PPP2R2B: variants seen among roughly 807,000 people sequenced by gnomAD.
PPP2R2B encodes the protein protein phosphatase 2 regulatory subunit Bbeta.
In PPP2R2B, 5 loss-of-function variants were observed where a neutral mutation model predicts 46.0. That is an observed-to-expected ratio of 0.11 (90% CI 0.06 to 0.23). The LOEUF (loss-of-function observed/expected upper bound fraction) is 0.23. Among genes scored for constraint, PPP2R2B ranks in the 10% least tolerant of loss-of-function variants. PPP2R2B has a pLI of 1.00. For missense variants in PPP2R2B, 367 were observed against 575.0 expected (o/e 0.64, Z 3.70); for synonymous variants, 215 against 206.7 (o/e 1.04, Z -0.34).
upstream of PPP2R2B, among the ~76,000 whole-genome samples, chr5:147,056,312 A>C (rs1204637812): frequency 2.0e-5 from 3 of 152,136 alleles, no homozygotes; most frequent in Non-Finnish European, 4.4e-5. Flanking sequence ...GTCCTTGCTT[A>C]ATCTAGATTT....
chr5:146,973,344 C>G lies in PPP2R2B; in HGVS notation c.79+82321G>C, dbSNP rs979271415. Among the ~76,000 whole-genome samples, 10 of 152,326 alleles carry G rather than the reference C, an allele frequency of 6.6e-5. No homozygotes were observed. In the South Asian group the frequency reaches 2.1e-3, roughly 32 times the overall value. ...CAGATAAAGCAAAACAACATAAACT[C>G]TCATATTTTACATTATTGTTCATAT... On this transcript the variant is annotated intron_variant, in intron 1 of 8. Transcript: ENST00000336640.
At chr5:146,920,619 T>C (rs1158442237) in intron 1 of PPP2R2B, among the ~76,000 whole-genome samples, 2 of 152,156 alleles carry the variant, frequency 1.3e-5, no homozygotes, top group Admixed American at 1.3e-4. Flanking sequence ...TGCTAGGAAG[T>C]GGCTTTTCAT....
intron 1 of PPP2R2B, among the ~76,000 whole-genome samples, chr5:146,961,047 ATTG>A (rs1390536669): frequency 6.6e-6 from 1 of 152,090 alleles, no homozygotes; most frequent in Admixed American, 6.5e-5. Context: ...AAACAATATT[ATTG>A]TTATTACCAT....
At chr5:147,058,551 G>A (rs1428619336), upstream of PPP2R2B, among the ~76,000 whole-genome samples, 1 of 152,088 alleles carries the variant, frequency 6.6e-6, no homozygotes, top group Non-Finnish European at 1.5e-5. Context: ...AATGGGACTA[G>A]AACTCAAGTC....
intron 2 of PPP2R2B, among the ~76,000 whole-genome samples, chr5:146,722,323 T>C (rs1410312361): frequency 6.6e-6 from 1 of 152,182 alleles, no homozygotes; most frequent in African/African-American, 2.4e-5. Flanking sequence ...AAGTAACTTG[T>C]TGAAGTCACA....
intron 1 of PPP2R2B, among the ~76,000 whole-genome samples, chr5:146,928,447 G>C (rs1763860493): frequency 6.6e-6 from 1 of 151,588 alleles, no homozygotes; most frequent in African/African-American, 2.4e-5. Flanking sequence ...TAATTTATCT[G>C]CTCAGATGCT....
chr5:146,601,669 G>A (rs937463217), intron 7 of PPP2R2B, among the ~76,000 whole-genome samples: 1 of 152,176 alleles, frequency 6.6e-6, no homozygotes, highest in African/African-American at 2.4e-5. Flanking sequence ...TTCCTTATAT[G>A]TAAACTGTAA....
At chr5:146,845,584 C>T (rs1417108535) in intron 2 of PPP2R2B, among the ~76,000 whole-genome samples, 1 of 152,034 alleles carries the variant, frequency 6.6e-6, no homozygotes, top group Non-Finnish European at 1.5e-5. Context: ...CTGTTTTATT[C>T]ATGTCTCCTC....
intron 1 of PPP2R2B, among the ~76,000 whole-genome samples, chr5:146,989,862 T>C (rs908808996): frequency 7.9e-5 from 12 of 151,750 alleles, no homozygotes; most frequent in African/African-American, 2.7e-4. Context: ...AAGACTCCAC[T>C]AAAAAACTAT....
intron 6 of PPP2R2B, among the ~76,000 whole-genome samples, chr5:146,645,947 CAT>C (rs1434059950): frequency 2.6e-5 from 4 of 152,204 alleles, no homozygotes; most frequent in African/African-American, 7.2e-5. Context: ...ACACTGAACA[CAT>C]GTCTCCACAC....
In PPP2R2B at chr5:146,590,064, A is replaced by G. The variant is rs1413799709; in HGVS notation, c.1215T>C (p.Ser405=). The G allele has an allele frequency of 1.3e-5, 21 of 1,613,982 alleles. No individual in the cohort carries two copies. The highest frequency in any genetic ancestry group is 1.7e-5 in the Admixed American group (1 of 59,958). The change falls in exon 10 of 10, where the codon AGT becomes AGC. Residue 405 remains serine, a synonymous_variant. Transcript: ENST00000394411. The part of the protein sequence containing the change: ...VGGKRRKDEI[S]VDSLDFSKKI... ...TTTTGCTAAAGTCCAGACTGTCGACACTGATCTCGTCTTTTCTCCGCTTGC... is the reference window on the plus strand; with the variant it reads ...TTTTGCTAAAGTCCAGACTGTCGACGCTGATCTCGTCTTTTCTCCGCTTGC...
chr5:146,772,750 A>G (rs534160166), intron 2 of PPP2R2B, among the ~76,000 whole-genome samples: 7 of 152,310 alleles, frequency 4.6e-5, no homozygotes, highest in African/African-American at 1.7e-4. Context: ...ATTTATGCCC[A>G]TAAGTGAGGT....
chr5:146,676,088 A>C (rs1014967365), intron 5 of PPP2R2B, among the ~76,000 whole-genome samples: 1 of 152,080 alleles, frequency 6.6e-6, no homozygotes, highest in Non-Finnish European at 1.5e-5. Context: ...ACATGTATTG[A>C]AACAATGGCA....
intron 2 of PPP2R2B, among the ~76,000 whole-genome samples, chr5:146,769,593 G>A (rs73793264): frequency 0.058 from 8,877 of 152,170 alleles, 318 homozygotes; most frequent in African/African-American, 0.11. Flanking sequence ...TGAATGACAC[G>A]GAACATATCT....
intron 1 of PPP2R2B, among the ~76,000 whole-genome samples, chr5:146,972,891 C>A (rs1177746823): frequency 6.6e-6 from 1 of 152,098 alleles, no homozygotes; most frequent in Non-Finnish European, 1.5e-5. Flanking sequence ...GAGAAATAAG[C>A]CTTTTCTCTG....
chr5:146,624,352 G>A (rs1032922415), intron 7 of PPP2R2B, among the ~76,000 whole-genome samples: 6 of 152,082 alleles, frequency 3.9e-5, no homozygotes, highest in Non-Finnish European at 8.8e-5. Context: ...CTTCATCTAG[G>A]TGTGTGCTCA....
chr5:146,653,769 G>A lies in PPP2R2B; in HGVS notation c.448-3045C>T, dbSNP rs143454998. 2.6e-5 allele frequency among the ~76,000 whole-genome samples: 4 copies of A among 152,272 alleles called. No homozygotes were observed. In the East Asian group the frequency reaches 7.7e-4, roughly 29 times the overall value. On this transcript the variant is annotated intron_variant, in intron 5 of 9. Transcript: ENST00000394411. Reference sequence around the variant, plus strand: ...GCTAATTTAGGCTGACATATTCCATGATGTACTACTTAATGGGGAAGGGCT... The same window carrying A: ...GCTAATTTAGGCTGACATATTCCATAATGTACTACTTAATGGGGAAGGGCT...
At chr5:146,752,711 A>T (rs1179647206) in intron 2 of PPP2R2B, among the ~76,000 whole-genome samples, 4 of 152,202 alleles carry the variant, frequency 2.6e-5, no homozygotes, top group Non-Finnish European at 4.4e-5. Context: ...TGGATTAAAT[A>T]GTATTGATTA....
intron 5 of PPP2R2B, among the ~76,000 whole-genome samples, chr5:146,684,021 A>C (rs1778337164): frequency 6.6e-6 from 1 of 152,156 alleles, no homozygotes; most frequent in Non-Finnish European, 1.5e-5. Context: ...TACTAGAATG[A>C]CACATTCACA....
Sources: gnomAD v4.1 joint callset for allele counts (sites outside exome capture counted in the v4.1 genomes callset) on GRCh38, gnomAD v4.1.1 for gene constraint, MANE v1.5 for transcripts, NCBI Gene and HGNC (gene_info 2026-07-23, HGNC 2026-07-21) for gene names.